The following ESRRG variants were observed in gnomAD, a reference collection of about 807,000 sequenced individuals.
The protein encoded by ESRRG is estrogen-related receptor gamma.
In ESRRG, 13 loss-of-function variants were observed where a neutral mutation model predicts 44.0. The observed-to-expected ratio is 0.30, with a 90% confidence interval of 0.19 to 0.47. The LOEUF is 0.47. Among genes scored for constraint, ESRRG ranks in the 20% least tolerant of loss-of-function variants. The pLI is 1.00. For synonymous variants in ESRRG, 215 were observed against 214.6 expected, an observed-to-expected ratio of 1.00 and a Z score of -0.02; for missense variants, 395 against 580.6, an observed-to-expected ratio of 0.68 and a Z score of 3.29.
intron 6 of ESRRG, among the ~76,000 whole-genome samples, chr1:216,516,291 A>G (rs2044240829): frequency 6.6e-6 from 1 of 152,128 alleles, no homozygotes; most frequent in South Asian, 2.1e-4. Context: ...AGTTCATGAC[A>G]TATTGTTGTT....
In ESRRG at chr1:216,934,718, C is replaced by T. The variant is rs1355652996; in HGVS notation, c.-14+4864G>A. Among the ~76,000 whole-genome samples, 3 of 152,138 alleles carry T rather than the reference C, an allele frequency of 2.0e-5. No homozygotes were observed. The East Asian group carries it at 5.8e-4, about 29-fold the overall frequency. ...CTCCCACATGGTCCCTCCCACAACACATGGGAATTATGGGAGCTACAATTC... is the reference window on the plus strand; with the variant it reads ...CTCCCACATGGTCCCTCCCACAACATATGGGAATTATGGGAGCTACAATTC... On this transcript the variant is annotated intron_variant, in intron 2 of 7. Transcript: ENST00000359162.
At chr1:217,136,186 G>A (rs567250593) in intron 1 of ESRRG, among the ~76,000 whole-genome samples, 1 of 152,186 alleles carries the variant, frequency 6.6e-6, no homozygotes, top group Admixed American at 6.5e-5. Flanking sequence ...AAGACAGGGG[G>A]CGGAGGGCGA....
At chr1:217,093,793 A>C (rs571857598), upstream of ESRRG, among the ~76,000 whole-genome samples, 780 of 151,648 alleles carry the variant, frequency 5.1e-3, 8 homozygotes, top group Middle Eastern at 0.021. Flanking sequence ...CAAAAAAAAA[A>C]ACACACACAC....
chr1:216,505,142 CTG>C lies in ESRRG; in HGVS notation c.*1795_*1796del, dbSNP rs1230095199. On this transcript the variant is annotated 3_prime_UTR_variant, in exon 7 of 7. Coordinates refer to ENST00000408911, the MANE Select transcript of ESRRG (RefSeq NM_001438.4). ...TTACATCTGTGTACATAGAATAAGA[CTG>C]TTCACATAATACAGGGAGCAGCTAC... 1 of 152,628 alleles carries C rather than the reference CTG, an allele frequency of 6.6e-6. No individual in the cohort carries two copies. The highest frequency in any genetic ancestry group is 2.4e-5 in the African/African-American group (1 of 41,458). The allele number at this position is 152,628 out of a possible 1,614,324, so 9.5% of individuals were successfully genotyped here.
chr1:216,924,935 AG>A (rs1378561627), intron 2 of ESRRG, among the ~76,000 whole-genome samples: 4 of 152,154 alleles, frequency 2.6e-5, no homozygotes, highest in Admixed American at 6.5e-5. Context: ...ATTTACATCT[AG>A]TAGCTCTCCC....
chr1:216,853,554 T>A (rs1016087718), intron 2 of ESRRG, among the ~76,000 whole-genome samples: 3 of 152,196 alleles, frequency 2.0e-5, no homozygotes, highest in African/African-American at 7.2e-5. Context: ...TCTTTATTCA[T>A]GCAGCCCCAG....
chr1:216,517,833 A>G (rs1405209119), intron 6 of ESRRG, among the ~76,000 whole-genome samples: 2 of 152,122 alleles, frequency 1.3e-5, no homozygotes, highest in East Asian at 1.9e-4. Context: ...GCGTAGAAGA[A>G]GAGAGGTGCA....
At chr1:216,647,820 T>C (rs2067974337) in intron 3 of ESRRG, among the ~76,000 whole-genome samples, 1 of 152,218 alleles carries the variant, frequency 6.6e-6, no homozygotes. Context: ...TTATCTACAA[T>C]GGATTTGGCC....
At chr1:216,890,387 T>C (rs1357674247) in intron 2 of ESRRG, among the ~76,000 whole-genome samples, 3 of 152,300 alleles carry the variant, frequency 2.0e-5, no homozygotes, top group East Asian at 1.9e-4. Context: ...TGAACTTTGA[T>C]AGATTAATGA....
At chr1:217,079,735 C>T (rs1393040415) in intron 1 of ESRRG, among the ~76,000 whole-genome samples, 5 of 152,182 alleles carry the variant, frequency 3.3e-5, no homozygotes, top group Non-Finnish European at 7.3e-5. Context: ...CTTACCACAG[C>T]GCCTGGCACG....
chr1:216,815,846 C>A (rs2095119146), intron 2 of ESRRG, among the ~76,000 whole-genome samples: 1 of 152,164 alleles, frequency 6.6e-6, no homozygotes, highest in South Asian at 2.1e-4. Flanking sequence ...CTCTTAAATG[C>A]CTGCCTAGGA....
intron 2 of ESRRG, among the ~76,000 whole-genome samples, chr1:216,840,281 AC>A (rs2095631431): frequency 6.6e-6 from 1 of 152,092 alleles, no homozygotes; most frequent in Non-Finnish European, 1.5e-5. Flanking sequence ...ATTTCCTTAA[AC>A]CTCATGAACC....
intron 1 of ESRRG, among the ~76,000 whole-genome samples, chr1:217,052,089 T>C (rs533970780): frequency 2.0e-5 from 3 of 152,184 alleles, no homozygotes; most frequent in East Asian, 3.9e-4. Flanking sequence ...ATTTATAAAA[T>C]ACAGAAAGGT....
rs375844978 is a variant in ESRRG at position 217,115,448 on chromosome 1, G to A, written c.-230+22219C>T. The stretch of plus-strand genomic sequence containing the variant: ...CACCCTACAGGGCCCTATATGATCC[G>A]TAAACATTTCCCCTACCCACCCAAC... On this transcript the variant is annotated intron_variant, in intron 1 of 8. Coordinates refer to the ESRRG transcript ENST00000366940. Among the ~76,000 whole-genome samples, 60 of 152,100 alleles carry A rather than the reference G, an allele frequency of 3.9e-4. No homozygotes were observed. The South Asian group carries it at 0.012, about 30-fold the overall frequency.
chr1:216,692,588 C>T (rs1377594640), intron 1 of ESRRG, among the ~76,000 whole-genome samples: 2 of 152,088 alleles, frequency 1.3e-5, no homozygotes, highest in Non-Finnish European at 2.9e-5. Context: ...AATAAATGTA[C>T]TGTCACCTAA....
intron 6 of ESRRG, among the ~76,000 whole-genome samples, chr1:216,510,597 C>T (rs1481756497): frequency 6.6e-6 from 1 of 152,092 alleles, no homozygotes; most frequent in Non-Finnish European, 1.5e-5. Context: ...AAATATTAAT[C>T]ATTGTGGGCC....
intron 1 of ESRRG, among the ~76,000 whole-genome samples, chr1:217,089,100 AACG>A (rs373729912): frequency 8.6e-5 from 13 of 151,884 alleles, no homozygotes; most frequent in African/African-American, 3.1e-4. Flanking sequence ...CCTCTCCCCC[AACG>A]ACCCCTGCTC....
intron 1 of ESRRG, among the ~76,000 whole-genome samples, chr1:216,719,139 G>T (rs1344544621): frequency 6.6e-6 from 1 of 151,984 alleles, no homozygotes; most frequent in Non-Finnish European, 1.5e-5. Context: ...ACGGACTTGA[G>T]ATTGGGCATT....
chr1:217,089,018 A>G (rs1337442655), intron 1 of ESRRG, among the ~76,000 whole-genome samples: 1 of 152,040 alleles, frequency 6.6e-6, no homozygotes, highest in Admixed American at 6.5e-5. Context: ...GGAGACACCT[A>G]GGACTACAGC....
Sources: gnomAD v4.1 joint callset for allele counts (sites outside exome capture counted in the v4.1 genomes callset) on GRCh38, gnomAD v4.1.1 for gene constraint, MANE v1.5 for transcripts, NCBI Gene and HGNC (gene_info 2026-07-23, HGNC 2026-07-21) for gene names.